The following C4orf51 variants were observed in gnomAD, a reference collection of about 807,000 sequenced individuals.
C4orf51 encodes chromosome 4 open reading frame 51.
Under a neutral mutation model 25.2 loss-of-function variants are expected in C4orf51, and 25 were observed. The ratio of observed to expected loss-of-function variants is 0.99; its 90% CI spans 0.72 to 1.39. The LOEUF is 1.39. Ranked by LOEUF, C4orf51 falls within the 40% of genes most tolerant of loss-of-function variation. The pLI, the probability that C4orf51 is intolerant of heterozygous loss-of-function variation, is 0.00. For synonymous variants in C4orf51, 100 were observed against 84.5 expected, an observed-to-expected ratio of 1.18 and a Z score of -1.01; for missense variants, 252 against 239.6, an observed-to-expected ratio of 1.05 and a Z score of -0.34.
At chr4:145,737,133 A>G, downstream of C4orf51, among the ~76,000 whole-genome samples, 1 of 152,130 alleles carries the variant, frequency 6.6e-6, no homozygotes, top group Non-Finnish European at 1.5e-5. Flanking sequence ...TTTCATGTTC[A>G]TCAACCCTTC....
At chr4:145,772,694 TA>T (rs1209529706), downstream of C4orf51, among the ~76,000 whole-genome samples, 3 of 152,234 alleles carry the variant, frequency 2.0e-5, no homozygotes, top group Non-Finnish European at 2.9e-5. Context: ...CCCTGGCTTA[TA>T]AAATAGGTTT....
At chr4:145,696,760 CT>C in intron 2 of C4orf51, 128 bp downstream of exon 2, 1 of 678,814 alleles carries the variant, frequency 1.5e-6, no homozygotes, top group Non-Finnish European at 2.5e-6. Context: ...AGGCCGGGCA[CT>C]GTGGCTCACA....
intron 2 of C4orf51, among the ~76,000 whole-genome samples, chr4:145,700,535 A>T (rs767389815): frequency 1.3e-5 from 2 of 152,130 alleles, no homozygotes; most frequent in Non-Finnish European, 2.9e-5. Flanking sequence ...AGTAGTTCCA[A>T]ATAGCCGGAA....
intron 2 of C4orf51, among the ~76,000 whole-genome samples, chr4:145,714,841 T>G (rs1731317780): frequency 6.6e-6 from 1 of 152,222 alleles, no homozygotes; most frequent in Admixed American, 6.5e-5. Flanking sequence ...GGGTATTTGA[T>G]GGCTCTCTCA....
intron 1 of C4orf51, among the ~76,000 whole-genome samples, chr4:145,768,013 CTG>C (rs1332666725): frequency 1.3e-5 from 2 of 152,074 alleles, no homozygotes; most frequent in Admixed American, 6.5e-5. Context: ...ACAAAAATAA[CTG>C]TTTTGTAGGG....
chr4:145,778,468 G>T, the C4orf51 span, among the ~76,000 whole-genome samples: 2 of 152,038 alleles, frequency 1.3e-5, no homozygotes, highest in Non-Finnish European at 2.9e-5. Flanking sequence ...AGTTAGCTGG[G>T]CATAGTGGCA....
chr4:145,761,621 G>A lies in C4orf51; in HGVS notation n.167-9367G>A. The A allele has an allele frequency of 2.4e-6, 3 of 1,227,360 alleles. No homozygotes were observed. Among genetic ancestry groups the A allele is most frequent in the Non-Finnish European group, 3.2e-6 (3 of 948,902 alleles). The allele number at this position is 1,227,360 out of a possible 1,614,324, so 76.0% of individuals were successfully genotyped here. ...CACCTGCCGGGGAAAGCAACGCAAG[G>A]GAGGTTCAGCCGGGAAGGTTCGGAG... On this transcript the variant is annotated intron_variant and non_coding_transcript_variant, in intron 1 of 1. Transcript: ENST00000510096. The surrounding 1 kb of genome is among the most constrained non-coding windows in gnomAD (Gnocchi z 6.8).
At chr4:145,769,483 T>TGG (rs1735919833) in intron 1 of C4orf51, among the ~76,000 whole-genome samples, 1 of 152,214 alleles carries the variant, frequency 6.6e-6, no homozygotes, top group Non-Finnish European at 1.5e-5. Flanking sequence ...TAAACATAGA[T>TGG]TCAAGTACCC....
intron 2 of C4orf51, among the ~76,000 whole-genome samples, chr4:145,707,118 T>G (rs535870424): frequency 1.3e-5 from 2 of 152,058 alleles, no homozygotes; most frequent in South Asian, 2.1e-4. Context: ...TTTTTTATTT[T>G]TTAGTAGAGA....
chr4:145,779,438 A>G, the C4orf51 span: 1 of 1,614,214 alleles, frequency 6.2e-7, no homozygotes, highest in South Asian at 1.1e-5. Flanking sequence ...CACACACGTC[A>G]CAGGGAAAAA....
At position 145,761,244 on chromosome 4, in the gene C4orf51, G is replaced by T; in HGVS notation, n.167-9744G>T. 1 of 1,289,878 alleles carries T rather than the reference G, an allele frequency of 7.8e-7. No homozygotes were observed. Among genetic ancestry groups the T allele is most frequent in the Non-Finnish European group, 1.0e-6 (1 of 988,878 alleles). The allele number at this position is 1,289,878 out of a possible 1,614,324, so 79.9% of individuals were successfully genotyped here. On this transcript the variant is annotated intron_variant and non_coding_transcript_variant, in intron 1 of 1. Coordinates refer to the C4orf51 transcript ENST00000510096. This position sits in a 1 kb window ranked among gnomAD's most constrained non-coding sequence, Gnocchi z 6.8. ...TGAAGACGAAAGGGTGTGTGGTCTTGAACAGGCACTCTTCGCAGCTGAAGG... is the reference window on the plus strand; with the variant it reads ...TGAAGACGAAAGGGTGTGTGGTCTTTAACAGGCACTCTTCGCAGCTGAAGG...
At chr4:145,784,716 G>A in the C4orf51 span, among the ~76,000 whole-genome samples, 1 of 152,158 alleles carries the variant, frequency 6.6e-6, no homozygotes, top group South Asian at 2.1e-4. Flanking sequence ...TGGAATATGG[G>A]TACTGTTTTT....
chr4:145,720,472 C>T (rs1731671636), intron 2 of C4orf51, among the ~76,000 whole-genome samples: 1 of 152,192 alleles, frequency 6.6e-6, no homozygotes, highest in Admixed American at 6.5e-5. Context: ...TTAAGACTCT[C>T]CTTCTGTGAG....
chr4:145,686,067 G>A (rs886759509), intron 1 of C4orf51, among the ~76,000 whole-genome samples: 3 of 152,088 alleles, frequency 2.0e-5, no homozygotes, highest in Non-Finnish European at 2.9e-5. Flanking sequence ...TACATACAAT[G>A]GAATATTATT....
At chr4:145,707,156 G>A (rs1023693688) in intron 2 of C4orf51, among the ~76,000 whole-genome samples, 1 of 151,796 alleles carries the variant, frequency 6.6e-6, no homozygotes, top group Non-Finnish European at 1.5e-5. Context: ...AGCCAGGATG[G>A]TCTCGATCCC....
At position 145,729,211 on chromosome 4, in the gene C4orf51, C is replaced by T. The variant is rs908214381; in HGVS notation, c.409C>T (p.Pro137Ser). 4 of 1,606,724 alleles carry T rather than the reference C, an allele frequency of 2.5e-6. No individual in the cohort carries two copies. Among genetic ancestry groups the T allele is most frequent in the Non-Finnish European group, 1.7e-6 (2 of 1,175,164 alleles). The change falls in exon 4 of 6, where the codon CCA (proline) becomes TCA (serine). Residue 137 changes from proline to serine, a missense_variant. By Grantham distance (74) the Pro-to-Ser change is moderately conservative (BLOSUM62 -1). Coordinates refer to ENST00000438731, the MANE Select transcript of C4orf51 (RefSeq NM_001080531.3). ...WDFGDCFPTP[P>S]NYGKYCVRPK... ...TTTTGGTGATTGTTTTCCGACACCT[C>T]CAAATTATGGAAAATACTGTAAGTC... is the stretch of plus-strand genomic sequence containing the variant.
downstream of C4orf51, among the ~76,000 whole-genome samples, chr4:145,773,716 A>C (rs1255299917): frequency 6.6e-6 from 1 of 152,226 alleles, no homozygotes; most frequent in Non-Finnish European, 1.5e-5. Flanking sequence ...ACAGGCGAGC[A>C]CTGGTGAAGC....
At chr4:145,690,269 G>T (rs941717500) in intron 1 of C4orf51, among the ~76,000 whole-genome samples, 4 of 151,958 alleles carry the variant, frequency 2.6e-5, no homozygotes, top group African/African-American at 9.7e-5. Flanking sequence ...ACTTTGCAAG[G>T]CTAAGGCAGG....
chr4:145,723,811 C>A (rs894657617), intron 2 of C4orf51, among the ~76,000 whole-genome samples: 3 of 152,214 alleles, frequency 2.0e-5, no homozygotes, highest in Non-Finnish European at 2.9e-5. Context: ...CCAGCTGAAG[C>A]TGCCAAGGTC....
Sources: gnomAD v4.1 joint callset for allele counts (sites outside exome capture counted in the v4.1 genomes callset) on GRCh38, gnomAD v4.1.1 for gene constraint, Gnocchi (gnomAD v3.1) non-coding constraint, MANE v1.5 for transcripts, NCBI Gene and HGNC (gene_info 2026-07-23, HGNC 2026-07-21) for gene names.